The following SPTAN1 variants were observed in gnomAD, a reference collection of about 807,000 sequenced individuals.
The protein encoded by SPTAN1 is spectrin alpha, non-erythrocytic 1, also known as spectrin alpha chain, non-erythrocytic 1.
In SPTAN1, 61 loss-of-function variants were observed where a neutral mutation model predicts 331.3. The ratio of observed to expected loss-of-function variants is 0.18; its 90% CI spans 0.15 to 0.23. The LOEUF is 0.23. Among genes scored for constraint, SPTAN1 ranks in the 10% least tolerant of loss-of-function variants. SPTAN1 has a pLI of 1.00. For synonymous variants in SPTAN1, 1,153 were observed against 1,173.9 expected, an observed-to-expected ratio of 0.98 and a Z score of 0.36; for missense variants, 2,043 against 3,147.9, an observed-to-expected ratio of 0.65 and a Z score of 8.40.
At chr9:128,568,973 T>G in intron 3 of SPTAN1, 76 bp downstream of exon 3, 8 of 1,600,656 alleles carry the variant, frequency 5.0e-6, no homozygotes, top group Non-Finnish European at 6.8e-6. Flanking sequence ...CATGTCAGTT[T>G]GGGTTCCCAA....
Position 128,625,755 on chromosome 9 carries a change from C to G in SPTAN1, c.6070-14C>G, listed in dbSNP as rs1254168933. 3 of 1,613,254 alleles carry G rather than the reference C, an allele frequency of 1.9e-6. No homozygotes were observed. On this transcript the variant is annotated splice_polypyrimidine_tract_variant and intron_variant, in intron 47 of 56. Transcript: ENST00000372739. This position sits in a 1 kb window ranked among gnomAD's most constrained non-coding sequence, Gnocchi z 4.1. Reference sequence around the variant, plus strand: ...GTGGAGTCACCACAAATTGGCTTGTCACTCCTTGTTCAGGAAACTTTTGAC... The same window carrying G: ...GTGGAGTCACCACAAATTGGCTTGTGACTCCTTGTTCAGGAAACTTTTGAC...
chr9:128,632,416 C>G lies in SPTAN1; in HGVS notation c.6960-15C>G, dbSNP rs1388078458. The G allele has an allele frequency of 6.2e-7, 1 of 1,614,090 alleles. No individual in the cohort carries two copies. Among genetic ancestry groups the G allele is most frequent in the East Asian group, 2.2e-5 (1 of 44,888 alleles). On this transcript the variant is annotated splice_polypyrimidine_tract_variant and intron_variant, in intron 53 of 56. Coordinates refer to ENST00000372739, the MANE Select transcript of SPTAN1 (RefSeq NM_001130438.3). Reference sequence around the variant, plus strand: ...GTGTGGAGGGTCTGTTCCCTAATTTCTGTTTTTCTTCCAGGAACACAACAG... The same window carrying G: ...GTGTGGAGGGTCTGTTCCCTAATTTGTGTTTTTCTTCCAGGAACACAACAG...
intron 54 of SPTAN1, 34 bp downstream of exon 54, chr9:128,632,518 G>T (rs199955815): frequency 1.9e-6 from 3 of 1,614,170 alleles, no homozygotes; most frequent in South Asian, 1.1e-5. Flanking sequence ...GGCTGGGTGG[G>T]GGGTGTTCGG....
chr9:128,597,096 G>T (rs1347532458), intron 24 of SPTAN1, among the ~76,000 whole-genome samples: 2 of 152,106 alleles, frequency 1.3e-5, no homozygotes. Flanking sequence ...GGAGGCGGAG[G>T]TTGCAGTGAG....
chr9:128,610,157 A>G (rs1440731380), intron 37 of SPTAN1, among the ~76,000 whole-genome samples: 1 of 152,218 alleles, frequency 6.6e-6, no homozygotes, highest in Non-Finnish European at 1.5e-5. Flanking sequence ...AGAGAGACGG[A>G]TGGTCTATTA....
At position 128,632,666 on chromosome 9, in the gene SPTAN1, G is replaced by C. The variant is rs1257414255; in HGVS notation, c.7108G>C (p.Gly2370Arg). The change falls in exon 55 of 57, where the codon GGG (glycine) becomes CGG (arginine). Residue 2370 changes from glycine to arginine, a missense_variant. Coordinates refer to ENST00000372739, the MANE Select transcript of SPTAN1 (RefSeq NM_001130438.3). The part of the protein sequence containing the change: ...LGYDLPMVEE[G>R]EPDPEFEAIL... ...CTATGACCTGCCCATGGTGGAGGAA[G>C]GGGAACCTGACCCTGAGTTCGAGGC... is the stretch of plus-strand genomic sequence containing the variant. The C allele has an allele frequency of 9.3e-6, 15 of 1,614,042 alleles. No individual in the cohort carries two copies. Among genetic ancestry groups the C allele is most frequent in the Non-Finnish European group, 1.2e-5 (14 of 1,180,028 alleles).
intron 3 of SPTAN1, among the ~76,000 whole-genome samples, chr9:128,570,351 T>C (rs1258445879): frequency 2.7e-5 from 2 of 73,276 alleles, no homozygotes; most frequent in Non-Finnish European, 5.6e-5. Flanking sequence ...TTTTTTTTTT[T>C]TTTGAGACGA....
chr9:128,621,331 A>G, intron 45 of SPTAN1, 75 bp downstream of exon 45: 3 of 1,306,476 alleles, frequency 2.3e-6, no homozygotes, highest in Non-Finnish European at 3.3e-6. Flanking sequence ...AGGTCCCCCA[A>G]AGTTCACTTC....
intron 31 of SPTAN1, among the ~76,000 whole-genome samples, chr9:128,606,351 GGC>G (rs1318276787): frequency 1.6e-5 from 2 of 122,618 alleles, no homozygotes; most frequent in Non-Finnish European, 3.2e-5. Context: ...CTCTAGCCTG[GGC>G]GATGGAGCAA....
At chr9:128,630,508 A>G in intron 52 of SPTAN1, 133 bp downstream of exon 52, 1 of 795,256 alleles carries the variant, frequency 1.3e-6, no homozygotes, top group Non-Finnish European at 2.1e-6. Context: ...GGCCTAAAGC[A>G]GTCTAGGGCT....
intron 49 of SPTAN1, among the ~76,000 whole-genome samples, 162 bp downstream of exon 49, chr9:128,626,849 C>CT (rs1451440525): frequency 6.6e-6 from 1 of 152,166 alleles, no homozygotes; most frequent in African/African-American, 2.4e-5. Context: ...GGCAGGGTCT[C>CT]TGTCACCCAG....
At chr9:128,621,097 G>A (rs960401936) in intron 44 of SPTAN1, 61 bp from the exon 45 acceptor site, 2 of 1,483,230 alleles carry the variant, frequency 1.3e-6, no homozygotes, top group Non-Finnish European at 1.9e-6. Flanking sequence ...TCTGTCCCCG[G>A]GGCCTAGCCC....
chr9:128,566,246 C>T (rs752487210), intron 1 of SPTAN1, among the ~76,000 whole-genome samples: 3 of 152,016 alleles, frequency 2.0e-5, no homozygotes, highest in Non-Finnish European at 2.9e-5. Flanking sequence ...TTAGTAGAGA[C>T]GGTGTTTCAC....
intron 10 of SPTAN1, 148 bp downstream of exon 10, chr9:128,579,886 G>T (rs776169787): frequency 5.4e-6 from 4 of 734,136 alleles, no homozygotes; most frequent in Non-Finnish European, 7.1e-6. Flanking sequence ...TTAAAAAGAA[G>T]GTATATGTAT....
At chr9:128,630,400 C>T in intron 52 of SPTAN1, 25 bp downstream of exon 52, 3 of 1,611,294 alleles carry the variant, frequency 1.9e-6, no homozygotes, top group South Asian at 2.2e-5. Flanking sequence ...GGCTCTGGCC[C>T]AGCAGAGACC....
chr9:128,631,284 C>T (rs549278392), intron 52 of SPTAN1: 1 of 151,924 alleles, frequency 6.6e-6, no homozygotes, highest in African/African-American at 2.4e-5. Context: ...ATGGGGAAAC[C>T]CCATCTCTAC....
chr9:128,605,821 G>C (rs187206562), intron 31 of SPTAN1, among the ~76,000 whole-genome samples: 318 of 151,918 alleles, frequency 2.1e-3, no homozygotes, highest in African/African-American at 7.0e-3. Context: ...GCGAAATGCC[G>C]TCTCTACCAA....
intron 9 of SPTAN1, 59 bp from the exon 10 acceptor site, chr9:128,579,578 T>C: frequency 2.2e-6 from 3 of 1,389,572 alleles, no homozygotes; most frequent in Non-Finnish European, 3.1e-6. Context: ...ATTCAGCACC[T>C]TGTTTTTATT....
At position 128,625,945 on chromosome 9, in the gene SPTAN1, G is replaced by C. The variant is rs746367287; in HGVS notation, c.6246G>C (p.Lys2082Asn). The C allele has an allele frequency of 3.1e-6, 5 of 1,614,186 alleles. No individual in the cohort carries two copies. Among genetic ancestry groups the C allele is most frequent in the Non-Finnish European group, 4.2e-6 (5 of 1,180,038 alleles). Residue 2082 changes from lysine (K) to asparagine (N), a missense_variant, in exon 48 of 57, where the codon AAG becomes AAC. Physicochemically the swap from Lys to Asn is moderately conservative, Grantham distance 94 (BLOSUM62 0). Around this residue, in one of 12 missense-constraint regions of SPTAN1, gnomAD observed 256 missense variants for 376.4 expected, o/e 0.68. Transcript: ENST00000372739. This position sits in a 1 kb window ranked among gnomAD's most constrained non-coding sequence, Gnocchi z 4.1. ...QLLANSAARK[K>N]KLLEAQSHFR... Reference sequence around the variant, plus strand: ...TGGCCAACTCAGCCGCCCGCAAGAAGAAGCTTCTGGAGGCTCAGAGTCACT... The same window carrying C: ...TGGCCAACTCAGCCGCCCGCAAGAACAAGCTTCTGGAGGCTCAGAGTCACT...
Sources: gnomAD v4.1 joint callset for allele counts (sites outside exome capture counted in the v4.1 genomes callset) on GRCh38, gnomAD v4.1.1 for gene constraint, gnomAD v4.1.1 regional missense constraint, Gnocchi (gnomAD v3.1) non-coding constraint, MANE v1.5 for transcripts, NCBI Gene and HGNC (gene_info 2026-07-23, HGNC 2026-07-21) for gene names.